The following NGEF variants were observed in gnomAD, a reference collection of about 807,000 sequenced individuals.
NGEF encodes ephexin-1.
In NGEF, 31 loss-of-function variants were observed where a neutral mutation model predicts 80.9. The observed-to-expected ratio is 0.38, with a 90% CI of 0.29 to 0.52. NGEF has a LOEUF of 0.52. Ranked by LOEUF, NGEF falls within the 20% of genes least tolerant of loss-of-function variation. NGEF has a pLI of 0.84. For missense variants in NGEF, 709 were observed against 926.2 expected (o/e 0.77, Z 3.04); for synonymous variants, 371 against 370.2 (o/e 1.00, Z -0.03).
intron 8 of NGEF, among the ~76,000 whole-genome samples, chr2:232,890,576 C>T (rs879641393): frequency 6.6e-6 from 1 of 152,200 alleles, no homozygotes; most frequent in Admixed American, 6.5e-5. Flanking sequence ...GAGCCCTCCC[C>T]GCCCCAAGAC....
At chr2:232,989,077 A>T (rs2106332792) in intron 1 of NGEF, among the ~76,000 whole-genome samples, 1 of 152,276 alleles carries the variant, frequency 6.6e-6, no homozygotes, top group Admixed American at 6.5e-5. Flanking sequence ...AAATTAGATG[A>T]GGGAGCCTGG....
intron 1 of NGEF, among the ~76,000 whole-genome samples, chr2:232,984,738 G>T (rs1483798991): frequency 6.6e-6 from 1 of 152,188 alleles, no homozygotes; most frequent in Non-Finnish European, 1.5e-5. Context: ...CAGGCATTAG[G>T]CAGGGCAGGG....
At chr2:233,005,400 C>T (rs767689999) in intron 1 of NGEF, among the ~76,000 whole-genome samples, 43 of 152,218 alleles carry the variant, frequency 2.8e-4, no homozygotes, top group Non-Finnish European at 5.7e-4. Flanking sequence ...CACTTCTGCC[C>T]AGATTCTCAG....
At chr2:232,922,439 GC>G (rs1290305521) in intron 4 of NGEF, among the ~76,000 whole-genome samples, 1 of 152,158 alleles carries the variant, frequency 6.6e-6, no homozygotes, top group East Asian at 1.9e-4. Context: ...TAGAGCCCGT[GC>G]TTTTCCAACG....
intron 5 of NGEF, among the ~76,000 whole-genome samples, chr2:232,899,862 ACAGT>A (rs1265666966): frequency 9.6e-5 from 13 of 135,220 alleles, no homozygotes; most frequent in Admixed American, 3.7e-4. Context: ...ACACGCTCTC[ACAGT>A]CACTCATATA....
Position 232,994,943 on chromosome 2 carries a change from CATAT to C in NGEF, c.-75+18121_-75+18124del, listed in dbSNP as rs10557218. ...ATATACATACATGGATATATACACA[CATAT>C]AATACATACATATGTATTATATGTA... On this transcript the variant is annotated intron_variant, in intron 1 of 14. Coordinates refer to ENST00000264051, the MANE Select transcript of NGEF (RefSeq NM_019850.3). 6.1e-5 allele frequency among the ~76,000 whole-genome samples: 9 copies of C among 148,036 alleles called. No homozygotes were observed. In the East Asian group the frequency reaches 8.0e-4, roughly 13 times the overall value.
intron 9 of NGEF, 70 bp from the exon 10 acceptor site, chr2:232,885,439 A>AGCCCTGTCTGT: frequency 1.5e-6 from 2 of 1,341,794 alleles, no homozygotes; most frequent in Non-Finnish European, 2.1e-6. Context: ...CAGCTCGGTC[A>AGCCCTGTCTGT]GGCCACAGAC....
rs199731114 is a variant in NGEF at position 232,900,468 on chromosome 2, TCA to T, written c.829-5554_829-5553del. Among the ~76,000 whole-genome samples the T allele has an allele frequency of 5.7e-4, 15 of 26,178 alleles. 3 individuals carry two copies. Among genetic ancestry groups the T allele is most frequent in the Middle Eastern group, 0.028 (1 of 36 alleles). 17.2% of individuals were successfully genotyped at this position (26,178 alleles called of 152,430 possible). A position where few individuals can be genotyped will look rare whatever the true frequency, so the allele number is the denominator to read the frequency against. ...CATATACACGTTCACTCACATTCAC[TCA>T]CACACACGCTCTCACAGTCACTCAT... On this transcript the variant is annotated intron_variant, in intron 5 of 14. Transcript: ENST00000264051.
rs1445902992 is a variant in NGEF, at chr2:232,888,409, T to C, written c.1273-302A>G. Among the ~76,000 whole-genome samples the C allele has an allele frequency of 2.7e-5, 4 of 148,032 alleles. No individual in the cohort carries two copies. In the South Asian group the frequency reaches 6.2e-4, roughly 23 times the overall value. ...ATGCATACAAGCACACGTGCACACA[T>C]GCATGCACACACGTGCATACATGCT... On this transcript the variant is annotated intron_variant, in intron 8 of 14. Coordinates refer to ENST00000264051, the MANE Select transcript of NGEF (RefSeq NM_019850.3).
In NGEF at chr2:232,924,771, T is replaced by C. The variant is rs549856199; in HGVS notation, c.526+2273A>G. Among the ~76,000 whole-genome samples the C allele has an allele frequency of 2.0e-5, 3 of 152,364 alleles. No homozygotes were observed. The East Asian group carries it at 5.8e-4, about 29-fold the overall frequency. On this transcript the variant is annotated intron_variant, in intron 4 of 14. Transcript: ENST00000264051. ...TTTGTTGCTTAAGAGCACTTTTTGTTAGATATTCTGTTACCTGCAGCCAAA... is the reference window on the plus strand; with the variant it reads ...TTTGTTGCTTAAGAGCACTTTTTGTCAGATATTCTGTTACCTGCAGCCAAA...
At chr2:232,963,952 T>A (rs1694006180) in intron 3 of NGEF, among the ~76,000 whole-genome samples, 1 of 152,142 alleles carries the variant, frequency 6.6e-6, no homozygotes, top group Admixed American at 6.6e-5. Flanking sequence ...TTAGGCATCT[T>A]AAACAGGCAC....
chr2:232,922,895 C>T (rs1692974355), intron 4 of NGEF, among the ~76,000 whole-genome samples: 1 of 151,918 alleles, frequency 6.6e-6, no homozygotes, highest in African/African-American at 2.4e-5. Flanking sequence ...CATGGCCAAA[C>T]TCCGTCTCTA....
chr2:232,988,036 CGTGTGT>C (rs57143286), intron 1 of NGEF, among the ~76,000 whole-genome samples: 2,646 of 140,324 alleles, frequency 0.019, 78 homozygotes, highest in African/African-American at 0.04. Context: ...GGGATGGTCT[CGTGTGT>C]GTGTGTGTGT....
rs1305925577 is a variant in NGEF at position 232,892,474 on chromosome 2, C to G, written c.1142+424G>C. 6.6e-6 allele frequency among the ~76,000 whole-genome samples: 1 copy of G among 152,282 alleles called. No individual in the cohort carries two copies. Among genetic ancestry groups the G allele is most frequent in the Middle Eastern group, 3.4e-3 (1 of 294 alleles). Reference sequence around the variant, plus strand: ...CAGATTAGCAATCAATGCCCCGGCGCTGCTGGAGGAGCCCCACCGAGGCTC... The same window carrying G: ...CAGATTAGCAATCAATGCCCCGGCGGTGCTGGAGGAGCCCCACCGAGGCTC... On this transcript the variant is annotated intron_variant, in intron 7 of 14. Coordinates refer to ENST00000264051, the MANE Select transcript of NGEF (RefSeq NM_019850.3). This position sits in a 1 kb window ranked among gnomAD's most constrained non-coding sequence, Gnocchi z 4.0.
Position 232,882,230 on chromosome 2 carries a change from G to A in NGEF, c.1793C>T (p.Pro598Leu). ...CGAAACAAACTTGGTCCTCCTGTTGGGGGCCAGTGAGGTCATCCAACGCTT... is the reference window on the plus strand; with the variant it reads ...CGAAACAAACTTGGTCCTCCTGTTGAGGGCCAGTGAGGTCATCCAACGCTT... ...EMKRWMTSLA[P>L]NRRTKFVSFT... The change falls in exon 13 of 15, where the codon CCC becomes CTC. Residue 598 changes from proline to leucine, a missense_variant. By Grantham distance (98) the Pro-to-Leu change is moderately conservative. Coordinates refer to ENST00000264051, the MANE Select transcript of NGEF (RefSeq NM_019850.3). The A allele has an allele frequency of 1.9e-6, 3 of 1,613,830 alleles. No individual in the cohort carries two copies. Among genetic ancestry groups the A allele is most frequent in the Non-Finnish European group, 2.5e-6 (3 of 1,179,946 alleles).
At chr2:232,933,887 C>G (rs1300391919) in intron 3 of NGEF, among the ~76,000 whole-genome samples, 1 of 152,190 alleles carries the variant, frequency 6.6e-6, no homozygotes, top group Non-Finnish European at 1.5e-5. Context: ...TTCCAGGAAG[C>G]CATGGGCTCC....
intron 5 of NGEF, among the ~76,000 whole-genome samples, chr2:232,910,419 C>T (rs949381355): frequency 4.6e-5 from 7 of 150,544 alleles, no homozygotes; most frequent in Non-Finnish European, 8.9e-5. Context: ...GTTGCTTACC[C>T]GCCACTCACC....
chr2:232,999,205 T>A (rs1222212990), intron 1 of NGEF, among the ~76,000 whole-genome samples: 7 of 152,236 alleles, frequency 4.6e-5, no homozygotes, highest in Non-Finnish European at 1.0e-4. Context: ...CCTCCCAGGC[T>A]GCCCTTTTTA....
intron 5 of NGEF, among the ~76,000 whole-genome samples, chr2:232,908,059 G>A (rs566822673): frequency 1.4e-4 from 21 of 152,166 alleles, no homozygotes; most frequent in Admixed American, 8.5e-4. Context: ...TCAGTGAGCC[G>A]AGATCGTACC....
Sources: allele counts gnomAD v4.1 joint callset (sites outside exome capture counted in the v4.1 genomes callset), GRCh38; gene constraint gnomAD v4.1.1; non-coding constraint Gnocchi (gnomAD v3.1); transcripts MANE v1.5; gene names NCBI Gene and HGNC (gene_info 2026-07-23, HGNC 2026-07-21).